Variants in SPOCK1 observed in about 807,000 individuals in gnomAD.
SPOCK1 encodes the protein testican-1.
Under a neutral mutation model 55.3 loss-of-function variants are expected in SPOCK1, and 23 were observed. The observed-to-expected ratio is 0.42, with a 90% CI of 0.30 to 0.59. The LOEUF (loss-of-function observed/expected upper bound fraction) is 0.59. Ranked by LOEUF, SPOCK1 falls within the 20% of genes least tolerant of loss-of-function variation. SPOCK1 has a pLI of 0.22. For synonymous variants in SPOCK1, 226 were observed against 221.0 expected (o/e 1.02, Z -0.20); for missense variants, 499 against 552.5 (o/e 0.90, Z 0.97).
At chr5:137,242,606 T>C (rs58967824) in intron 3 of SPOCK1, among the ~76,000 whole-genome samples, 18,001 of 152,214 alleles carry the variant, frequency 0.12, 1,344 homozygotes, top group East Asian at 0.25. Context: ...GACATGGTGA[T>C]GTACGCCTGT....
At chr5:137,216,268 T>C (rs1032264641) in intron 3 of SPOCK1, among the ~76,000 whole-genome samples, 4 of 152,208 alleles carry the variant, frequency 2.6e-5, no homozygotes, top group African/African-American at 9.6e-5. Flanking sequence ...TGCAGAGCTT[T>C]GGGCACAAAG....
chr5:137,462,983 A>G (rs1029644186), intron 2 of SPOCK1, among the ~76,000 whole-genome samples: 1 of 152,222 alleles, frequency 6.6e-6, no homozygotes, highest in Non-Finnish European at 1.5e-5. Context: ...TGAAGAGATG[A>G]GCAGGAGCCA....
At chr5:137,445,126 G>T (rs1753095449) in intron 2 of SPOCK1, among the ~76,000 whole-genome samples, 1 of 152,124 alleles carries the variant, frequency 6.6e-6, no homozygotes, top group Admixed American at 6.5e-5. Flanking sequence ...AAAGTCCACT[G>T]CCCACCTCCA....
At chr5:137,215,837 G>A (rs994410963) in intron 3 of SPOCK1, among the ~76,000 whole-genome samples, 2 of 152,154 alleles carry the variant, frequency 1.3e-5, no homozygotes, top group Non-Finnish European at 2.9e-5. Flanking sequence ...CATTTCAGAG[G>A]TTAATCCTCA....
intron 5 of SPOCK1, among the ~76,000 whole-genome samples, chr5:137,093,886 TGTAA>T (rs1166297740): frequency 1.3e-5 from 2 of 152,102 alleles, no homozygotes; most frequent in Non-Finnish European, 2.9e-5. Context: ...GGACACCACT[TGTAA>T]GTGAGGGGAA....
intron 3 of SPOCK1, among the ~76,000 whole-genome samples, chr5:137,231,856 C>A (rs1036973117): frequency 3.3e-5 from 5 of 152,246 alleles, no homozygotes; most frequent in Non-Finnish European, 5.9e-5. Flanking sequence ...TTCTCCACAA[C>A]CTTGCCAGCA....
At chr5:137,223,462 G>A (rs564939305) in intron 3 of SPOCK1, among the ~76,000 whole-genome samples, 2 of 152,146 alleles carry the variant, frequency 1.3e-5, no homozygotes, top group African/African-American at 4.8e-5. Flanking sequence ...CTTCATTTGT[G>A]CCCTTTATTT....
At chr5:137,323,217 C>T (rs1758011310) in intron 2 of SPOCK1, among the ~76,000 whole-genome samples, 1 of 151,902 alleles carries the variant, frequency 6.6e-6, no homozygotes, top group African/African-American at 2.4e-5. Context: ...AATTACATTC[C>T]CCAATCAAAA....
Position 137,253,715 on chromosome 5 carries a change from C to A in SPOCK1, c.232+13295G>T, listed in dbSNP as rs118138871. ...CACACAGCTTGGGATATGAAAATGC[C>A]ATACTTGGATTGAGCCAAAAGCCAT... On this transcript the variant is annotated intron_variant, in intron 3 of 10. Transcript: ENST00000394945. 1.4e-4 allele frequency among the ~76,000 whole-genome samples: 22 copies of A among 152,310 alleles called. No individual in the cohort carries two copies. In the East Asian group the frequency reaches 3.9e-3, roughly 27 times the overall value.
At chr5:137,337,621 G>A (rs1338003529) in intron 2 of SPOCK1, among the ~76,000 whole-genome samples, 6 of 152,160 alleles carry the variant, frequency 3.9e-5, no homozygotes, top group African/African-American at 9.7e-5. Flanking sequence ...AGCATCCATC[G>A]AGCTAAAGGC....
intron 6 of SPOCK1, among the ~76,000 whole-genome samples, chr5:137,030,220 T>A (rs918677492): frequency 1.3e-5 from 2 of 152,286 alleles, no homozygotes; most frequent in Non-Finnish European, 1.5e-5. Flanking sequence ...CTCCTGGGGA[T>A]AACAGCCATT....
chr5:137,495,070 T>C (rs1307556255), intron 2 of SPOCK1, among the ~76,000 whole-genome samples: 5 of 152,212 alleles, frequency 3.3e-5, no homozygotes, highest in Non-Finnish European at 7.3e-5. Context: ...CAATTGCTAG[T>C]GTTTATAAAA....
chr5:137,219,490 C>T (rs752104301), intron 3 of SPOCK1, among the ~76,000 whole-genome samples: 10 of 152,158 alleles, frequency 6.6e-5, no homozygotes, highest in Non-Finnish European at 1.2e-4. Context: ...TTCATTATTC[C>T]AGGACTCGCA....
At chr5:137,314,220 C>A (rs902568974) in intron 2 of SPOCK1, among the ~76,000 whole-genome samples, 6 of 152,070 alleles carry the variant, frequency 3.9e-5, no homozygotes, top group African/African-American at 1.4e-4. Context: ...ATTAACAAGG[C>A]AACCAGGCAC....
Position 137,379,983 on chromosome 5 carries a change from T to TAAG in SPOCK1, c.187-112931_187-112929dup, listed in dbSNP as rs1332795051. 2.6e-4 allele frequency among the ~76,000 whole-genome samples: 40 copies of TAAG among 152,324 alleles called. No individual in the cohort carries two copies. In the South Asian group the frequency reaches 3.5e-3, roughly 13 times the overall value. ...TATTGCCACTTTAACACTTAGTGAG[T>TAAG]AAGAATTAGAATGTCAGGGAAGAGC... On this transcript the variant is annotated intron_variant, in intron 2 of 10. Coordinates refer to ENST00000394945, the MANE Select transcript of SPOCK1 (RefSeq NM_004598.4).
intron 3 of SPOCK1, among the ~76,000 whole-genome samples, chr5:137,171,952 T>C (rs934533030): frequency 1.3e-5 from 2 of 152,228 alleles, no homozygotes; most frequent in African/African-American, 4.8e-5. Flanking sequence ...CTGTTCATCT[T>C]ACATACGAAA....
chr5:136,991,513 TCTAA>T (rs754223127), intron 7 of SPOCK1, among the ~76,000 whole-genome samples: 37 of 152,168 alleles, frequency 2.4e-4, no homozygotes, highest in Non-Finnish European at 5.0e-4. Context: ...CAGTTGCTAC[TCTAA>T]CTAACTTCTT....
Position 136,975,754 on chromosome 5 carries a change from C to T in SPOCK1, c.*2900G>A, listed in dbSNP as rs1283218277. 1.3e-5 allele frequency: 2 copies of T among 152,134 alleles called. No homozygotes were observed. The highest frequency in any genetic ancestry group is 4.8e-5 in the African/African-American group (2 of 41,420). The allele number at this position is 152,134 out of a possible 1,614,324, so 9.4% of individuals were successfully genotyped here. On this transcript the variant is annotated 3_prime_UTR_variant, in exon 11 of 11. Transcript: ENST00000394945. ...AGGAGGAGAAACAGATACAAAATCTCCAACTCAGTATTAAGGTATTCTCAT... is the reference window on the plus strand; with the variant it reads ...AGGAGGAGAAACAGATACAAAATCTTCAACTCAGTATTAAGGTATTCTCAT...
chr5:136,994,439 G>A (rs1235189548), intron 6 of SPOCK1, among the ~76,000 whole-genome samples: 1 of 151,900 alleles, frequency 6.6e-6, no homozygotes, highest in Non-Finnish European at 1.5e-5. Context: ...GTAAAACTTC[G>A]GATAATATGG....
Sources: allele counts gnomAD v4.1 joint callset (sites outside exome capture counted in the v4.1 genomes callset), GRCh38; gene constraint gnomAD v4.1.1; transcripts MANE v1.5; gene names NCBI Gene and HGNC (gene_info 2026-07-23, HGNC 2026-07-21).